CP: variants seen among roughly 807,000 people sequenced by gnomAD.
CP encodes caeruloplasmin.
CP carries 64 observed loss-of-function variants against 122.4 expected under a neutral mutation model. The observed-to-expected ratio is 0.52, with a 90% CI of 0.43 to 0.64. CP has a LOEUF of 0.64. Ranked by LOEUF, CP falls within the 30% of genes least tolerant of loss-of-function variation. The pLI, the probability that CP is intolerant of heterozygous loss-of-function variation, is 0.00. For missense variants in CP, 1,167 were observed against 1,284.4 expected, an observed-to-expected ratio of 0.91 and a Z score of 1.40; for synonymous variants, 440 against 436.4, an observed-to-expected ratio of 1.01 and a Z score of -0.10.
intron 1 of CP, among the ~76,000 whole-genome samples, chr3:149,221,445 A>G (rs1728801319): frequency 6.6e-6 from 1 of 152,204 alleles, no homozygotes; most frequent in Non-Finnish European, 1.5e-5. Flanking sequence ...ATCCCCAGGA[A>G]CAACAGGAAA....
chr3:149,171,661 CT>C (rs1259875822), downstream of CP, among the ~76,000 whole-genome samples: 7 of 142,948 alleles, frequency 4.9e-5, 1 homozygote, highest in Admixed American at 4.1e-4. Flanking sequence ...TGATTTTTTT[CT>C]TTGAAGTTAT....
At chr3:149,211,656 G>A (rs1210797375) in intron 2 of CP, among the ~76,000 whole-genome samples, 2 of 152,244 alleles carry the variant, frequency 1.3e-5, no homozygotes, top group Non-Finnish European at 2.9e-5. Flanking sequence ...TGACTGACAT[G>A]AGACTACTTA....
At position 149,181,986 on chromosome 3, in the gene CP, C is replaced by CGGGGGGGGGGGGGGGGG; in HGVS notation, c.2554+18_2554+19insCCCCCCCCCCCCCCCCC. 2 of 586,880 alleles carry CGGGGGGGGGGGGGGGGG rather than the reference C, an allele frequency of 3.4e-6. No individual in the cohort carries two copies. Among genetic ancestry groups the CGGGGGGGGGGGGGGGGG allele is most frequent in the Non-Finnish European group, 6.3e-6 (2 of 319,264 alleles). 36.4% of individuals were successfully genotyped at this position (586,880 alleles called of 1,614,324 possible). On this transcript the variant is annotated intron_variant, in intron 14 of 18. Coordinates refer to ENST00000264613, the MANE Select transcript of CP (RefSeq NM_000096.4). ...AGCCTGTTAAAATGCACCACCCCCA[C>CGGGGGGGGGGGGGGGGG]CCCCGCCCCCGTGAGTACCTGGTAA...
chr3:149,215,561 A>G (rs1374720572), intron 1 of CP, among the ~76,000 whole-genome samples: 1 of 152,210 alleles, frequency 6.6e-6, no homozygotes, highest in Non-Finnish European at 1.5e-5. Flanking sequence ...AAACTGGAAA[A>G]TATTTTACAC....
At chr3:149,220,376 A>C (rs951071865) in intron 1 of CP, among the ~76,000 whole-genome samples, 1 of 152,100 alleles carries the variant, frequency 6.6e-6, no homozygotes, top group Admixed American at 6.5e-5. Context: ...AACCACATAT[A>C]ATTTATATTA....
At chr3:149,195,472 G>A (rs1726839814) in intron 9 of CP, among the ~76,000 whole-genome samples, 8 of 152,168 alleles carry the variant, frequency 5.3e-5, no homozygotes, top group Admixed American at 4.6e-4. Context: ...ACTGTAGCAT[G>A]TCCACACATC....
At chr3:149,215,257 T>C (rs1405335679) in intron 1 of CP, among the ~76,000 whole-genome samples, 1 of 152,234 alleles carries the variant, frequency 6.6e-6, no homozygotes, top group African/African-American at 2.4e-5. Flanking sequence ...GCAGGCTTTG[T>C]CAAAATGATT....
At chr3:149,221,035 C>T (rs1016459531) in intron 1 of CP, among the ~76,000 whole-genome samples, 1 of 151,724 alleles carries the variant, frequency 6.6e-6, no homozygotes, top group Non-Finnish European at 1.5e-5. Context: ...CTAATAAGTA[C>T]CTGACATTTT....
chr3:149,172,317 A>AAC (rs1559931139), downstream of CP: 16 of 640,836 alleles, frequency 2.5e-5, no homozygotes, highest in South Asian at 2.0e-4. Flanking sequence ...TATTTTATAT[A>AAC]TCACACACAC....
chr3:149,188,614 G>A (rs1726347314), intron 9 of CP, among the ~76,000 whole-genome samples: 1 of 151,740 alleles, frequency 6.6e-6, no homozygotes, highest in South Asian at 2.1e-4. Flanking sequence ...AGAGCAGGAT[G>A]GAAGCAGATT....
chr3:149,197,611 A>G (rs1320661934), intron 9 of CP, among the ~76,000 whole-genome samples: 1 of 152,120 alleles, frequency 6.6e-6, no homozygotes, highest in Non-Finnish European at 1.5e-5. Flanking sequence ...GCGATCCCCA[A>G]CATTTTTGGC....
chr3:149,192,890 A>G (rs1038938762), intron 9 of CP, among the ~76,000 whole-genome samples: 4 of 152,112 alleles, frequency 2.6e-5, no homozygotes, highest in African/African-American at 9.7e-5. Flanking sequence ...AAAACGGCAG[A>G]GAACAGCCTC....
chr3:149,207,081 C>A (rs1727780388), intron 5 of CP, among the ~76,000 whole-genome samples: 1 of 152,104 alleles, frequency 6.6e-6, no homozygotes, highest in South Asian at 2.1e-4. Flanking sequence ...CTGGATGTTA[C>A]AACACTGGTA....
intron 14 of CP, 101 bp from the exon 15 acceptor site, chr3:149,179,763 A>G: frequency 1.3e-6 from 1 of 779,842 alleles, no homozygotes. Context: ...CTTGATAACT[A>G]GGACCCAGGA....
Position 149,177,927 on chromosome 3 carries a change from T to C in CP, c.2931A>G (p.Gly977=). Residue 977 remains glycine (G), a synonymous_variant, in exon 17 of 19, where the codon GGA becomes GGG. Transcript: ENST00000264613. ...CCATCAGATACCAGTTGACTTCATC[T>C]CCCACGTGCATTGTGAGGCCTTGTA... The part of the protein sequence containing the change: ...GNLQGLTMHV[G]DEVNWYLMGM... 6.2e-7 allele frequency: 1 copy of C among 1,613,602 alleles called. No individual in the cohort carries two copies. The highest frequency in any genetic ancestry group is 8.5e-7 in the Non-Finnish European group (1 of 1,179,520).
downstream of CP, among the ~76,000 whole-genome samples, chr3:149,171,167 A>G (rs902076758): frequency 1.3e-5 from 2 of 152,068 alleles, no homozygotes; most frequent in African/African-American, 4.8e-5. Flanking sequence ...AGTCCCAGCT[A>G]TTTGGGAGGC....
chr3:149,188,490 C>CAAAAAAAAAAAAAAAAAAAAAAAAA (rs60815739), intron 9 of CP, among the ~76,000 whole-genome samples: 4 of 46,102 alleles, frequency 8.7e-5, no homozygotes, highest in Non-Finnish European at 1.8e-4. Flanking sequence ...TTGAAGCCTC[C>CAAAAAAAAAAAAAAAAAAAAAAAAA]AAAAAAAAAA....
intron 9 of CP, among the ~76,000 whole-genome samples, chr3:149,198,054 A>G (rs1457188237): frequency 5.3e-5 from 8 of 152,350 alleles, no homozygotes; most frequent in African/African-American, 1.9e-4. Flanking sequence ...TTGCAAGTAA[A>G]CAATCTTAGG....
At chr3:149,196,162 A>G (rs1054466054) in intron 9 of CP, among the ~76,000 whole-genome samples, 12 of 152,186 alleles carry the variant, frequency 7.9e-5, no homozygotes, top group Non-Finnish European at 1.3e-4. Context: ...GTAGTGTTGT[A>G]ATTGTGATTC....
Sources: gnomAD v4.1 joint callset for allele counts (sites outside exome capture counted in the v4.1 genomes callset) on GRCh38, gnomAD v4.1.1 for gene constraint, MANE v1.5 for transcripts, NCBI Gene and HGNC (gene_info 2026-07-23, HGNC 2026-07-21) for gene names.